Variants in DMC1 observed in about 807,000 individuals in gnomAD.
DMC1 encodes meiotic recombination protein DMC1 homolog.
In DMC1, 27 loss-of-function variants were observed where a neutral mutation model predicts 50.1. The observed-to-expected ratio is 0.54, with a 90% CI of 0.40 to 0.74. DMC1 has a LOEUF of 0.74. Ranked by LOEUF, DMC1 falls within the 30% of genes least tolerant of loss-of-function variation. The probability of loss-of-function intolerance (pLI) is 0.00; values close to 1 mark genes in which losing one functional copy is unlikely to be tolerated. For synonymous variants in DMC1, 148 were observed against 136.1 expected (o/e 1.09, Z -0.61); for missense variants, 295 against 420.2 (o/e 0.70, Z 2.60).
the DMC1 span, among the ~76,000 whole-genome samples, chr22:38,510,434 G>A: frequency 2.6e-5 from 4 of 152,120 alleles, no homozygotes; most frequent in African/African-American, 4.8e-5. Flanking sequence ...CAACCTGAGC[G>A]ACAGAGCAAG....
Position 38,570,105 on chromosome 22 carries a change from T to G in DMC1, c.-96A>C, listed in dbSNP as rs1416972792. 6.6e-6 allele frequency: 1 copy of G among 151,700 alleles called. No homozygotes were observed. Among genetic ancestry groups the G allele is most frequent in the Non-Finnish European group, 1.5e-5 (1 of 68,008 alleles). The allele number at this position is 151,700 out of a possible 1,614,324, so 9.4% of individuals were successfully genotyped here. A position where few individuals can be genotyped will look rare whatever the true frequency, so the allele number is the denominator to read the frequency against. ...TGAAGCCCCTCTGCCCCGCCCGACC[T>G]CCTCAGCTGACAGGATTCTAACTCG... On this transcript the variant is annotated 5_prime_UTR_variant, in exon 1 of 14. Coordinates refer to ENST00000216024, the MANE Select transcript of DMC1 (RefSeq NM_007068.4).
At position 38,541,681 on chromosome 22, in the gene DMC1, C is replaced by T. The variant is rs150875341; in HGVS notation, c.495-2269G>A. 9.8e-3 allele frequency among the ~76,000 whole-genome samples: 1,493 copies of T among 152,202 alleles called. 14 individuals carry two copies. The highest frequency in any genetic ancestry group is 0.02 in the Middle Eastern group (6 of 294). On this transcript the variant is annotated intron_variant, in intron 8 of 13. Transcript: ENST00000216024. ...ATTTTCCAGGTCTTCTCCCTGTAACCGGTTACGGAAACAAAAACTCCCTCC... is the reference window on the plus strand; with the variant it reads ...ATTTTCCAGGTCTTCTCCCTGTAACTGGTTACGGAAACAAAAACTCCCTCC...
intron 8 of DMC1, among the ~76,000 whole-genome samples, chr22:38,547,692 G>T (rs567483449): frequency 4.6e-5 from 7 of 151,980 alleles, no homozygotes; most frequent in Admixed American, 6.6e-5. Flanking sequence ...GGCATGTGCC[G>T]CCACGCCCGG....
intron 12 of DMC1, among the ~76,000 whole-genome samples, chr22:38,533,720 G>A (rs769972964): frequency 6.6e-6 from 1 of 152,162 alleles, no homozygotes; most frequent in East Asian, 1.9e-4. Flanking sequence ...ATGCATGAAA[G>A]CTTATTGCAG....
intron 2 of DMC1, 82 bp downstream of exon 2, chr22:38,568,124 A>T (rs2090599362): frequency 1.6e-6 from 2 of 1,256,938 alleles, no homozygotes; most frequent in Non-Finnish European, 2.3e-6. Flanking sequence ...TTCAGCTTCT[A>T]AAAATAGTAG....
chr22:38,542,924 G>A (rs889801986), intron 8 of DMC1, among the ~76,000 whole-genome samples: 5 of 152,108 alleles, frequency 3.3e-5, no homozygotes, highest in Admixed American at 6.6e-5. Flanking sequence ...ACTCATTTTC[G>A]ACAAAGGTGC....
rs2090255984 is a variant in DMC1, at chr22:38,539,427, G to A, written c.495-15C>T. ...GATCTGGACGGCTGGAGTATGCCAA[G>A]ATTAAGGATCCAATAAGTCAATTCT... On this transcript the variant is annotated splice_polypyrimidine_tract_variant and intron_variant, in intron 8 of 13. Transcript: ENST00000216024. 1 of 1,607,304 alleles carries A rather than the reference G, an allele frequency of 6.2e-7. No homozygotes were observed. Among genetic ancestry groups the A allele is most frequent in the African/African-American group, 1.3e-5 (1 of 74,774 alleles).
rs2090202206 is a variant in DMC1 at position 38,535,587 on chromosome 22, A to G, written c.836+2005T>C. On this transcript the variant is annotated intron_variant, in intron 12 of 13. Coordinates refer to ENST00000216024, the MANE Select transcript of DMC1 (RefSeq NM_007068.4). ...TCTCTCTGGTAAAAATATTTTCTAAATAAAAACCTTTAAAAAAATCTTTTT... is the reference window on the plus strand; with the variant it reads ...TCTCTCTGGTAAAAATATTTTCTAAGTAAAAACCTTTAAAAAAATCTTTTT... Among the ~76,000 whole-genome samples the G allele has an allele frequency of 2.0e-5, 3 of 152,024 alleles. No homozygotes were observed. The South Asian group carries it at 6.2e-4, about 31-fold the overall frequency.
chr22:38,533,972 G>A (rs1334651444), intron 12 of DMC1, among the ~76,000 whole-genome samples: 1 of 152,156 alleles, frequency 6.6e-6, no homozygotes, highest in East Asian at 1.9e-4. Flanking sequence ...AACATTTTAA[G>A]TAATGAAGAA....
intron 8 of DMC1, among the ~76,000 whole-genome samples, chr22:38,539,891 GAATT>G (rs1316773533): frequency 6.6e-6 from 1 of 152,098 alleles, no homozygotes; most frequent in Non-Finnish European, 1.5e-5. Context: ...ACTGCAAAGT[GAATT>G]AATTCACTCT....
chr22:38,516,139 C>T (rs2089975123), downstream of DMC1, among the ~76,000 whole-genome samples: 1 of 152,188 alleles, frequency 6.6e-6, no homozygotes, highest in South Asian at 2.1e-4. Flanking sequence ...TTCCTGCTGG[C>T]CCAGATACCT....
intron 5 of DMC1, among the ~76,000 whole-genome samples, chr22:38,560,514 A>C (rs575952672): frequency 3.9e-4 from 59 of 152,100 alleles, no homozygotes; most frequent in Middle Eastern, 3.4e-3. Context: ...AATTAAAAAA[A>C]AAAACAAAAC....
intron 12 of DMC1, among the ~76,000 whole-genome samples, chr22:38,529,401 A>G (rs1569155401): frequency 6.6e-6 from 1 of 151,790 alleles, no homozygotes; most frequent in Non-Finnish European, 1.5e-5. Flanking sequence ...CTTCTTTTAT[A>G]TTTTCTTCTC....
At chr22:38,568,522 T>TG (rs1310586411) in intron 1 of DMC1, 4 of 520,358 alleles carry the variant, frequency 7.7e-6, no homozygotes, top group African/African-American at 3.8e-5. Flanking sequence ...AGGGGCAAAT[T>TG]GGGGGGTGCT....
downstream of DMC1, among the ~76,000 whole-genome samples, chr22:38,515,618 G>T (rs773334043): frequency 1.3e-5 from 2 of 152,092 alleles, no homozygotes; most frequent in Non-Finnish European, 2.9e-5. Flanking sequence ...GGCCAACATG[G>T]TGAAACCTCG....
chr22:38,558,086 T>A, intron 5 of DMC1, among the ~76,000 whole-genome samples: 1 of 149,634 alleles, frequency 6.7e-6, no homozygotes, highest in East Asian at 2.0e-4. Flanking sequence ...ATCAGCCTCC[T>A]GAGTAGCTGG....
rs903449769 is a variant in DMC1, at chr22:38,562,436, C to T, written c.244-67G>A. On this transcript the variant is annotated intron_variant, in intron 4 of 13. Transcript: ENST00000216024. ...ATCATGGTTGTATTTTCAAATGTTG[C>T]CCAAAATGATATACTCAGTTATTAA... 84 of 1,122,820 alleles carry T rather than the reference C, an allele frequency of 7.5e-5. No homozygotes were observed. In the Admixed American group the frequency reaches 1.0e-3, roughly 13 times the overall value. The allele number at this position is 1,122,820 out of a possible 1,614,324, so 69.6% of individuals were successfully genotyped here.
intron 8 of DMC1, among the ~76,000 whole-genome samples, chr22:38,548,508 G>A (rs1023431842): frequency 2.4e-4 from 36 of 152,124 alleles, no homozygotes; most frequent in Admixed American, 2.2e-3. Flanking sequence ...CTGGGAGTTC[G>A]AGTCTGCAGT....
intron 4 of DMC1, among the ~76,000 whole-genome samples, chr22:38,563,638 G>A (rs1381544557): frequency 6.6e-6 from 1 of 151,924 alleles, no homozygotes; most frequent in African/African-American, 2.4e-5. Flanking sequence ...AGGACTGCTT[G>A]ATGCCAGCAG....
Sources: gnomAD v4.1 joint callset for allele counts (sites outside exome capture counted in the v4.1 genomes callset) on GRCh38, gnomAD v4.1.1 for gene constraint, MANE v1.5 for transcripts, NCBI Gene and HGNC (gene_info 2026-07-23, HGNC 2026-07-21) for gene names.